Variants in TPX2 observed in about 807,000 individuals in gnomAD.
The protein encoded by TPX2 is targeting protein for Xklp2.
Under a neutral mutation model 93.6 loss-of-function variants are expected in TPX2, and 21 were observed. The observed-to-expected ratio is 0.22, with a 90% CI of 0.16 to 0.32. The LOEUF is 0.32. Ranked by LOEUF, TPX2 falls within the 10% of genes least tolerant of loss-of-function variation. The pLI, the probability that TPX2 is intolerant of heterozygous loss-of-function variation, is 1.00. For missense variants in TPX2, 776 were observed against 871.1 expected, an observed-to-expected ratio of 0.89 and a Z score of 1.37; for synonymous variants, 281 against 298.3, an observed-to-expected ratio of 0.94 and a Z score of 0.60.
chr20:31,798,641 T>C, intron 17 of TPX2, 89 bp downstream of exon 17: 1 of 1,428,128 alleles, frequency 7.0e-7, no homozygotes. Context: ...GGATCTAAGG[T>C]AGCCCGCAAG....
chr20:31,752,786 T>C (rs543944375), intron 2 of TPX2, among the ~76,000 whole-genome samples: 2 of 152,222 alleles, frequency 1.3e-5, no homozygotes, highest in Admixed American at 1.3e-4. Context: ...CTAATTCTTT[T>C]TGTATTTTTA....
intron 2 of TPX2, among the ~76,000 whole-genome samples, chr20:31,749,639 C>CA (rs1489169939): frequency 1.3e-5 from 2 of 151,512 alleles, no homozygotes; most frequent in Non-Finnish European, 2.9e-5. Flanking sequence ...ACTAAAAATA[C>CA]AAAAAATTAG....
Position 31,766,454 on chromosome 20 carries a change from G to GGTGTGTGTGTGTGTGT in TPX2, c.230-75_230-60dup, listed in dbSNP as rs35700111. ...ACTAAGGTTTCTGTGGCTTAGACAG[G>GGTGTGTGTGTGTGTGT]GTGTGTGTGTGTGTGTGTGTGTGTG... On this transcript the variant is annotated intron_variant, in intron 4 of 17. Transcript: ENST00000300403. The GGTGTGTGTGTGTGTGT allele has an allele frequency of 1.1e-4, 80 of 720,660 alleles. No homozygotes were observed. In the African/African-American group the frequency reaches 1.4e-3, roughly 13 times the overall value. The allele number at this position is 720,660 out of a possible 1,614,324, so 44.6% of individuals were successfully genotyped here.
chr20:31,793,467 A>G lies in TPX2; in HGVS notation c.1510-381A>G, dbSNP rs1472968432. Among the ~76,000 whole-genome samples, 3 of 152,290 alleles carry G rather than the reference A, an allele frequency of 2.0e-5. No individual in the cohort carries two copies. In the East Asian group the frequency reaches 5.8e-4, roughly 29 times the overall value. ...GAACCCAAACAACTTGGGTTTGGCAATCCTATTCTGGGTTTGGCAACCATT... is the reference window on the plus strand; with the variant it reads ...GAACCCAAACAACTTGGGTTTGGCAGTCCTATTCTGGGTTTGGCAACCATT... On this transcript the variant is annotated intron_variant, in intron 13 of 17. Coordinates refer to ENST00000300403, the MANE Select transcript of TPX2 (RefSeq NM_012112.5).
At chr20:31,758,310 G>A (rs1171859269) in intron 3 of TPX2, among the ~76,000 whole-genome samples, 2 of 151,992 alleles carry the variant, frequency 1.3e-5, no homozygotes, top group African/African-American at 4.8e-5. Context: ...AGTAGAGACA[G>A]TGTTTTGCCA....
At chr20:31,745,833 A>G (rs2061780980) in intron 2 of TPX2, among the ~76,000 whole-genome samples, 1 of 152,236 alleles carries the variant, frequency 6.6e-6, no homozygotes, top group South Asian at 2.1e-4. Flanking sequence ...ATTTCCTTTT[A>G]GTATTTTACA....
At chr20:31,758,179 G>A (rs1210369982) in intron 3 of TPX2, among the ~76,000 whole-genome samples, 2 of 149,048 alleles carry the variant, frequency 1.3e-5, no homozygotes, top group African/African-American at 4.9e-5. Context: ...CTGGAGTGCA[G>A]TGGTACAATC....
intron 15 of TPX2, among the ~76,000 whole-genome samples, chr20:31,796,279 G>A (rs1344743517): frequency 4.6e-5 from 7 of 152,116 alleles, no homozygotes; most frequent in Non-Finnish European, 5.9e-5. Context: ...ACTTCTACCT[G>A]TGTAAGATTA....
intron 2 of TPX2, among the ~76,000 whole-genome samples, chr20:31,749,140 G>A (rs1329280881): frequency 6.6e-6 from 1 of 151,994 alleles, no homozygotes; most frequent in Non-Finnish European, 1.5e-5. Flanking sequence ...TAGAGACGGG[G>A]TTTCACTGTG....
chr20:31,750,198 C>A (rs2061810273), intron 2 of TPX2, among the ~76,000 whole-genome samples: 2 of 150,502 alleles, frequency 1.3e-5, no homozygotes, highest in South Asian at 4.2e-4. Flanking sequence ...GCTCTTGTTG[C>A]CCCGGCTGGA....
chr20:31,784,605 G>C (rs764323290), intron 12 of TPX2, among the ~76,000 whole-genome samples: 1 of 152,134 alleles, frequency 6.6e-6, no homozygotes, highest in African/African-American at 2.4e-5. Flanking sequence ...CCAGGCAGTA[G>C]GAATTACATG....
chr20:31,784,005 AT>A, intron 12 of TPX2, 84 bp downstream of exon 12: 1 of 1,435,970 alleles, frequency 7.0e-7, no homozygotes, highest in Non-Finnish European at 9.6e-7. Flanking sequence ...TTGGGTAGAT[AT>A]TATGAGCAGG....
chr20:31,792,782 A>C lies in TPX2; in HGVS notation c.1461A>C (p.Pro487=). Residue 487 remains proline (P), a synonymous_variant, in exon 13 of 18, where the codon CCA becomes CCC. Coordinates refer to ENST00000300403, the MANE Select transcript of TPX2 (RefSeq NM_012112.5). ...TTCCAATCACCGTCCCCAAGTCACC[A>C]GCCTTTGCATTGAAGAACAGAATTC... is the stretch of plus-strand genomic sequence containing the variant. The part of the protein sequence containing the change: ...KVLPITVPKS[P]AFALKNRIRM... 6.2e-7 allele frequency: 1 copy of C among 1,614,266 alleles called. No individual in the cohort carries two copies. The highest frequency in any genetic ancestry group is 1.1e-5 in the South Asian group (1 of 91,088).
rs973734002 is a variant in TPX2, at chr20:31,792,923, C to G, written c.1509+93C>G. 5 of 1,168,042 alleles carry G rather than the reference C, an allele frequency of 4.3e-6. No homozygotes were observed. In the African/African-American group the frequency reaches 6.2e-5, roughly 14 times the overall value. The allele number at this position is 1,168,042 out of a possible 1,614,324, so 72.4% of individuals were successfully genotyped here. A position where few individuals can be genotyped will look rare whatever the true frequency, so the allele number is the denominator to read the frequency against. Reference sequence around the variant, plus strand: ...TATTAATCTTAATGGAGTTCAAAGGCAACCACTCTTTTTTGGACTTGTCTT... The same window carrying G: ...TATTAATCTTAATGGAGTTCAAAGGGAACCACTCTTTTTTGGACTTGTCTT... On this transcript the variant is annotated intron_variant, in intron 13 of 17. Coordinates refer to ENST00000300403, the MANE Select transcript of TPX2 (RefSeq NM_012112.5).
intron 3 of TPX2, among the ~76,000 whole-genome samples, chr20:31,758,153 C>T (rs1355063526): frequency 2.7e-5 from 4 of 146,650 alleles, no homozygotes; most frequent in East Asian, 4.0e-4. Flanking sequence ...GCTGTAGTCT[C>T]GCTCTGTTGC....
chr20:31,801,124 T>C lies in TPX2; in HGVS notation c.*44T>C. On this transcript the variant is annotated 3_prime_UTR_variant, in exon 18 of 18. Coordinates refer to ENST00000300403, the MANE Select transcript of TPX2 (RefSeq NM_012112.5). ...GATACCGCCCGGCAATGGGACCTGCTCTTAACCTCAAACCTAGGACCGTCT... is the reference window on the plus strand; with the variant it reads ...GATACCGCCCGGCAATGGGACCTGCCCTTAACCTCAAACCTAGGACCGTCT... 2 of 1,550,474 alleles carry C rather than the reference T, an allele frequency of 1.3e-6. No homozygotes were observed. The highest frequency in any genetic ancestry group is 1.8e-6 in the Non-Finnish European group (2 of 1,122,048).
At chr20:31,781,516 C>T (rs921510396) in intron 10 of TPX2, among the ~76,000 whole-genome samples, 14 of 151,818 alleles carry the variant, frequency 9.2e-5, no homozygotes, top group African/African-American at 2.9e-4. Context: ...CCCCCTGCCT[C>T]GGCCTCCCAA....
intron 12 of TPX2, among the ~76,000 whole-genome samples, chr20:31,784,418 G>A (rs908808492): frequency 2.6e-5 from 4 of 152,268 alleles, no homozygotes; most frequent in Non-Finnish European, 4.4e-5. Context: ...GGTAACCGAG[G>A]CACACAGAGG....
rs561001901 is a variant in TPX2 at position 31,785,654 on chromosome 20, C to T, written c.1413+1733C>T. Among the ~76,000 whole-genome samples, 106 of 152,132 alleles carry T rather than the reference C, an allele frequency of 7.0e-4. 1 individual carries two copies. Among genetic ancestry groups the T allele is most frequent in the African/African-American group, 2.3e-3 (97 of 41,512 alleles). ...TTGGGATTACAGGCGCATGCCACCA[C>T]GCCTGGCTAATTTTCGTATTTATAG... On this transcript the variant is annotated intron_variant, in intron 12 of 17. Transcript: ENST00000300403.
Sources: gnomAD v4.1 joint callset for allele counts (sites outside exome capture counted in the v4.1 genomes callset) on GRCh38, gnomAD v4.1.1 for gene constraint, MANE v1.5 for transcripts, NCBI Gene and HGNC (gene_info 2026-07-23, HGNC 2026-07-21) for gene names.